The following IFT57 variants were observed in gnomAD, a reference collection of about 807,000 sequenced individuals.
IFT57 encodes intraflagellar transport protein 57 homolog.
Under a neutral mutation model 56.8 loss-of-function variants are expected in IFT57, and 59 were observed. The ratio of observed to expected loss-of-function variants is 1.04; its 90% confidence interval spans 0.84 to 1.29. The LOEUF is 1.29. IFT57 is among the 50% of genes most tolerant of loss of function. IFT57 has a pLI of 0.00. For missense variants in IFT57, 470 were observed against 522.1 expected (o/e 0.90, Z 0.97); for synonymous variants, 209 against 186.1 (o/e 1.12, Z -1.00).
At chr3:108,204,515 G>A (rs2080298802) in intron 5 of IFT57, among the ~76,000 whole-genome samples, 2 of 152,136 alleles carry the variant, frequency 1.3e-5, no homozygotes, top group South Asian at 4.1e-4. Context: ...GGAATCCCAG[G>A]TGGCCTTCAC....
chr3:108,168,152 G>GA (rs965081554), intron 6 of IFT57, among the ~76,000 whole-genome samples: 48 of 150,764 alleles, frequency 3.2e-4, no homozygotes, highest in African/African-American at 9.2e-4. Context: ...CCATTAAAAT[G>GA]AAAAAAAAAT....
chr3:108,181,327 T>G (rs1401829329), intron 6 of IFT57, among the ~76,000 whole-genome samples: 1 of 152,070 alleles, frequency 6.6e-6, no homozygotes, highest in Non-Finnish European at 1.5e-5. Flanking sequence ...AAGCACAATA[T>G]TCCCACAACT....
intron 6 of IFT57, among the ~76,000 whole-genome samples, chr3:108,170,668 C>CAAA (rs375732793): frequency 5.5e-5 from 8 of 145,044 alleles, no homozygotes; most frequent in South Asian, 2.2e-4. Context: ...CATGTGGAAC[C>CAAA]AAAAAAAAAA....
In IFT57 at chr3:108,220,436, G is replaced by A. The variant is rs189139840; in HGVS notation, c.213-864C>T. On this transcript the variant is annotated intron_variant, in intron 1 of 10. Coordinates refer to ENST00000264538, the MANE Select transcript of IFT57 (RefSeq NM_018010.4). ...ATAACCATTGTCATAAAAATCTGTCGTGTACTCCTTCATGTTTCCCAAACT... is the reference window on the plus strand; with the variant it reads ...ATAACCATTGTCATAAAAATCTGTCATGTACTCCTTCATGTTTCCCAAACT... 2.6e-5 allele frequency among the ~76,000 whole-genome samples: 4 copies of A among 152,180 alleles called. No homozygotes were observed. In the East Asian group the frequency reaches 7.7e-4, roughly 29 times the overall value.
chr3:108,188,716 G>A (rs919528844), intron 6 of IFT57, among the ~76,000 whole-genome samples: 7 of 152,148 alleles, frequency 4.6e-5, no homozygotes, highest in African/African-American at 1.2e-4. Flanking sequence ...AAATCAGGAG[G>A]ACACTGATGA....
chr3:108,168,218 AG>A (rs1249575969), intron 6 of IFT57, among the ~76,000 whole-genome samples: 2 of 151,966 alleles, frequency 1.3e-5, no homozygotes, highest in Non-Finnish European at 2.9e-5. Context: ...GTTTGCCAAA[AG>A]CAATTCTGAA....
At chr3:108,185,600 C>T (rs184653141) in intron 6 of IFT57, among the ~76,000 whole-genome samples, 5 of 141,640 alleles carry the variant, frequency 3.5e-5, no homozygotes, top group African/African-American at 1.4e-4. Flanking sequence ...CGCTCGTTGC[C>T]CAGGCTGGAG....
chr3:108,222,145 A>C lies in IFT57; in HGVS notation c.178T>G (p.Phe60Val). Residue 60 changes from phenylalanine (F) to valine (V), a missense_variant, in exon 1 of 11, where the codon TTC (phenylalanine) becomes GTC (valine). By Grantham distance (50) the Phe-to-Val change is conservative. Coordinates refer to ENST00000264538, the MANE Select transcript of IFT57 (RefSeq NM_018010.4). ...GCCTTCAGGTTGCTCTTCCGGAGGA[A>C]CTCCTCCTCGTAGCGGAGCAGCTTC... Reference protein sequence around the residue: ...KLKLLRYEEEFLRKSNLKAPS... With the variant: ...KLKLLRYEEEVLRKSNLKAPS... 1 of 1,612,042 alleles carries C rather than the reference A, an allele frequency of 6.2e-7. No homozygotes were observed. The highest frequency in any genetic ancestry group is 8.5e-7 in the Non-Finnish European group (1 of 1,179,244).
Position 108,162,635 on chromosome 3 carries a change from G to A in IFT57, c.1132C>T (p.Gln378Ter), listed in dbSNP as rs2080040234. 1 of 1,602,004 alleles carries A rather than the reference G, an allele frequency of 6.2e-7. No individual in the cohort carries two copies. Among genetic ancestry groups the A allele is most frequent in the Non-Finnish European group, 8.5e-7 (1 of 1,174,616 alleles). The change falls in exon 11 of 11, where the codon CAG (glutamine) becomes TAG (stop). Residue 378 changes from glutamine (Q) to a stop codon, truncating the protein, a stop_gained. Coordinates refer to ENST00000264538, the MANE Select transcript of IFT57 (RefSeq NM_018010.4). LOFTEE classifies it high-confidence loss of function. ...TCTTGCTTCAGTTTTGTTAAGCTCT[G>A]TTTAATCTTCACCAAAGGAGCTGCA... ...TDGAPLVKIK[Q>*]SLTKLKQETV...
At chr3:108,163,758 T>A in intron 9 of IFT57, 29 bp from the exon 10 acceptor site, 1 of 1,391,462 alleles carries the variant, frequency 7.2e-7, no homozygotes, top group Non-Finnish European at 1.0e-6. Flanking sequence ...TTCATGAGCA[T>A]TACATTTTAA....
At chr3:108,177,927 A>G (rs2080132412) in intron 6 of IFT57, among the ~76,000 whole-genome samples, 1 of 151,800 alleles carries the variant, frequency 6.6e-6, no homozygotes, top group Non-Finnish European at 1.5e-5. Context: ...ATAAATCAGA[A>G]AAGTCAAAAT....
intron 7 of IFT57, among the ~76,000 whole-genome samples, chr3:108,167,400 G>C (rs1344212377): frequency 6.6e-6 from 1 of 151,800 alleles, no homozygotes; most frequent in Non-Finnish European, 1.5e-5. Flanking sequence ...GTCTAGCTTT[G>C]CTTCTTTGTG....
At chr3:108,171,861 C>A (rs1232962836) in intron 6 of IFT57, among the ~76,000 whole-genome samples, 1 of 151,804 alleles carries the variant, frequency 6.6e-6, no homozygotes, top group Non-Finnish European at 1.5e-5. Context: ...TAATAAACAC[C>A]AAGCTCAAGT....
chr3:108,207,781 C>T (rs11924228), intron 4 of IFT57, among the ~76,000 whole-genome samples: 13,932 of 152,192 alleles, frequency 0.092, 700 homozygotes, highest in Middle Eastern at 0.12. Flanking sequence ...CGATGGCTCA[C>T]GCTTGTAATC....
chr3:108,197,413 G>A, intron 5 of IFT57, among the ~76,000 whole-genome samples: 1 of 152,112 alleles, frequency 6.6e-6, no homozygotes, highest in Non-Finnish European at 1.5e-5. Flanking sequence ...ACTGCCAAAG[G>A]AAGAACTGAA....
At chr3:108,184,772 C>T (rs1161754181) in intron 6 of IFT57, among the ~76,000 whole-genome samples, 1 of 152,072 alleles carries the variant, frequency 6.6e-6, no homozygotes, top group East Asian at 1.9e-4. Context: ...TCCAAGTGAG[C>T]AGTTAGTCTC....
At chr3:108,200,024 G>GA (rs1347915009) in intron 5 of IFT57, among the ~76,000 whole-genome samples, 1 of 152,200 alleles carries the variant, frequency 6.6e-6, no homozygotes, top group Non-Finnish European at 1.5e-5. Context: ...GTTTGTAGAA[G>GA]AAAATGAGGT....
chr3:108,178,840 A>G (rs2080137540), intron 6 of IFT57, among the ~76,000 whole-genome samples: 1 of 151,884 alleles, frequency 6.6e-6, no homozygotes, highest in Non-Finnish European at 1.5e-5. Context: ...AGAGTCTACT[A>G]CAGCTGATCA....
intron 6 of IFT57, among the ~76,000 whole-genome samples, chr3:108,173,997 A>AATGTGTGTGTGTGTGTGTGTGT (rs59994463): frequency 9.9e-6 from 1 of 100,720 alleles, no homozygotes; most frequent in Non-Finnish European, 2.2e-5. Context: ...CATATATTTG[A>AATGTGTGTGTGTGTGTGTGTGT]GTGTGTGTGT....
Sources: allele counts gnomAD v4.1 joint callset (sites outside exome capture counted in the v4.1 genomes callset), GRCh38; gene constraint gnomAD v4.1.1; transcripts MANE v1.5; gene names NCBI Gene and HGNC (gene_info 2026-07-23, HGNC 2026-07-21).